Variants in NCOR2 observed in about 807,000 individuals in gnomAD.
NCOR2 encodes CTG repeat protein 26.
NCOR2 carries 81 observed loss-of-function variants against 262.9 expected under a neutral mutation model. The observed-to-expected ratio is 0.31, with a 90% CI of 0.26 to 0.37. The LOEUF (loss-of-function observed/expected upper bound fraction) is 0.37. Ranked by LOEUF, NCOR2 falls within the 10% of genes least tolerant of loss-of-function variation. NCOR2 has a pLI of 1.00. For missense variants in NCOR2, 3,385 were observed against 3,621.4 expected, an observed-to-expected ratio of 0.93 and a Z score of 1.68; for synonymous variants, 1,659 against 1,559.3, an observed-to-expected ratio of 1.06 and a Z score of -1.51.
chr12:124,557,258 C>T (rs1007247128), intron 1 of NCOR2, among the ~76,000 whole-genome samples: 17 of 152,226 alleles, frequency 1.1e-4, no homozygotes, highest in Admixed American at 7.9e-4. Flanking sequence ...AAGCTCCACA[C>T]GCCGGGGACT....
intron 12 of NCOR2, among the ~76,000 whole-genome samples, chr12:124,422,013 A>G (rs1048731057): frequency 6.6e-6 from 1 of 152,190 alleles, no homozygotes; most frequent in Non-Finnish European, 1.5e-5. Context: ...TTGGCATTAG[A>G]GGTGTCAGAA....
chr12:124,438,778 C>CAGAGAGAGAGAGAGAGAG (rs56072801), intron 7 of NCOR2, among the ~76,000 whole-genome samples: 5 of 60,068 alleles, frequency 8.3e-5, no homozygotes, highest in East Asian at 4.9e-4. Flanking sequence ...CCCAGAGAGA[C>CAGAGAGAGAGAGAGAGAG]AGAGAGAGAG....
chr12:124,447,210 C>A (rs1419139263), intron 7 of NCOR2, among the ~76,000 whole-genome samples: 1 of 152,222 alleles, frequency 6.6e-6, no homozygotes, highest in Admixed American at 6.5e-5. Flanking sequence ...CCACCGCGCC[C>A]AGCACATCTA....
rs537166315 is a variant in NCOR2, at chr12:124,327,644, G to GAGAC, written c.6959-15_6959-12dup. ...TATAGGTCATAAGGCCTGGGAGAGA[G>GAGAC]AGACAGACAGACAGACAGACACATG... is the stretch of plus-strand genomic sequence containing the variant. On this transcript the variant is annotated splice_polypyrimidine_tract_variant and intron_variant, in intron 44 of 46. Transcript: ENST00000405201. The GAGAC allele has an allele frequency of 2.8e-5, 44 of 1,588,514 alleles. No homozygotes were observed. Among genetic ancestry groups the GAGAC allele is most frequent in the African/African-American group, 9.4e-5 (7 of 74,398 alleles).
At chr12:124,399,065 CA>C (rs2041851276) in intron 15 of NCOR2, among the ~76,000 whole-genome samples, 1 of 152,120 alleles carries the variant, frequency 6.6e-6, no homozygotes, top group African/African-American at 2.4e-5. Context: ...GGAACTGCGC[CA>C]GGGGGAGTAT....
intron 1 of NCOR2, among the ~76,000 whole-genome samples, chr12:124,508,421 G>A (rs147965170): frequency 1.6e-4 from 24 of 152,314 alleles, no homozygotes; most frequent in Non-Finnish European, 2.4e-4. Flanking sequence ...GAAGCTAAGC[G>A]TCTACCTGGG....
intron 3 of NCOR2, among the ~76,000 whole-genome samples, chr12:124,480,728 C>T (rs544699890): frequency 1.3e-5 from 2 of 151,974 alleles, no homozygotes; most frequent in East Asian, 3.9e-4. Context: ...GGGCCAAGCA[C>T]CCCCAGGCGC....
chr12:124,495,048 T>G lies in NCOR2; in HGVS notation c.105+99A>C, dbSNP rs1218719276. The G allele has an allele frequency of 1.0e-5, 15 of 1,461,948 alleles. No individual in the cohort carries two copies. In the Middle Eastern group the frequency reaches 5.2e-4, roughly 51 times the overall value. 90.6% of individuals were successfully genotyped at this position (1,461,948 alleles called of 1,614,324 possible). ...CTGCCCTGGGAGGCTCAGAGCCACA[T>G]GAGCCTGGCTCCCAGGAGAAAGGAA... On this transcript the variant is annotated intron_variant, in intron 1 of 46. Coordinates refer to ENST00000405201, the Ensembl canonical transcript of NCOR2. This position sits in a 1 kb window ranked among gnomAD's most constrained non-coding sequence, Gnocchi z 4.4.
chr12:124,435,072 G>C (rs12578172), intron 8 of NCOR2, among the ~76,000 whole-genome samples: 1 of 152,214 alleles, frequency 6.6e-6, no homozygotes, highest in Admixed American at 6.5e-5. Flanking sequence ...TGGCCTGCCA[G>C]GTTCTGTCCC....
intron 10 of NCOR2, among the ~76,000 whole-genome samples, chr12:124,427,335 C>T (rs1370137832): frequency 6.6e-6 from 1 of 152,200 alleles, no homozygotes; most frequent in Non-Finnish European, 1.5e-5. Flanking sequence ...GAGGGCCCAC[C>T]TGGGATCTGG....
intron 5 of NCOR2, among the ~76,000 whole-genome samples, chr12:124,462,498 G>A (rs562469271): frequency 3.3e-5 from 5 of 152,376 alleles, no homozygotes; most frequent in Admixed American, 6.5e-5. Context: ...GGTGGGTGAC[G>A]AGCAGGAAAA....
intron 11 of NCOR2, among the ~76,000 whole-genome samples, chr12:124,425,051 A>C (rs2043453796): frequency 6.6e-6 from 1 of 152,238 alleles, no homozygotes; most frequent in South Asian, 2.1e-4. Context: ...AATGCGGCCC[A>C]ATACAAATTC....
upstream of NCOR2, chr12:124,495,283 G>C (rs1237840558): frequency 1.3e-6 from 2 of 1,599,012 alleles, no homozygotes; most frequent in Non-Finnish European, 1.7e-6. The surrounding 1 kb of genome is among the most constrained non-coding windows in gnomAD (Gnocchi z 4.4). Context: ...GCTGCTCCCA[G>C]GCCCCAATAA....
chr12:124,360,153 G>C (rs1223171232), intron 22 of NCOR2, among the ~76,000 whole-genome samples: 1 of 152,230 alleles, frequency 6.6e-6, no homozygotes, highest in Non-Finnish European at 1.5e-5. Context: ...GCTGGCCAAA[G>C]CTGCTGGGGC....
chr12:124,463,560 A>T (rs1487316817), intron 5 of NCOR2, among the ~76,000 whole-genome samples: 3 of 152,216 alleles, frequency 2.0e-5, no homozygotes, highest in African/African-American at 7.2e-5. Context: ...CCGAATGGAT[A>T]ATGAGCCAGA....
intron 10 of NCOR2, chr12:124,429,325 GT>G: frequency 4.4e-6 from 2 of 451,024 alleles, no homozygotes; most frequent in Non-Finnish European, 8.1e-6. Context: ...CAGGGTCCTC[GT>G]CCCCCAACCC....
chr12:124,494,249 C>T (rs1376466297), intron 1 of NCOR2, among the ~76,000 whole-genome samples: 1 of 152,070 alleles, frequency 6.6e-6, no homozygotes, highest in African/African-American at 2.4e-5. Flanking sequence ...ACACGCACCC[C>T]CACGGTGGCC....
chr12:124,385,916 G>C lies in NCOR2; in HGVS notation c.1877-29C>G, dbSNP rs377302036. The C allele has an allele frequency of 4.3e-6, 7 of 1,609,266 alleles. No homozygotes were observed. The Admixed American group carries it at 6.7e-5, about 15-fold the overall frequency. On this transcript the variant is annotated intron_variant, in intron 16 of 46. Coordinates refer to ENST00000405201, the Ensembl canonical transcript of NCOR2. ...TCTCAGGAGAGGAGGGCAGTGAGAA[G>C]AGGCCAGGCCCGGCACGCAGAGGGG...
chr12:124,410,711 C>T (rs2042529894), intron 13 of NCOR2, among the ~76,000 whole-genome samples: 1 of 152,178 alleles, frequency 6.6e-6, no homozygotes, highest in African/African-American at 2.4e-5. Context: ...CAAGTGACTT[C>T]AGCACCTAGG....
Sources: allele counts gnomAD v4.1 joint callset (sites outside exome capture counted in the v4.1 genomes callset), GRCh38; gene constraint gnomAD v4.1.1; non-coding constraint Gnocchi (gnomAD v3.1); transcripts MANE v1.5; gene names NCBI Gene and HGNC (gene_info 2026-07-23, HGNC 2026-07-21).